Variants in GRIN2A observed in about 807,000 individuals in gnomAD.
The protein encoded by GRIN2A is glutamate receptor ionotropic, NMDA 2A.
In GRIN2A, 22 loss-of-function variants were observed where a neutral mutation model predicts 113.4. The ratio of observed to expected loss-of-function variants is 0.19; its 90% CI spans 0.14 to 0.28. GRIN2A has a LOEUF of 0.28. Ranked by LOEUF, GRIN2A falls within the 10% of genes least tolerant of loss-of-function variation. The pLI, the probability that GRIN2A is intolerant of heterozygous loss-of-function variation, is 1.00. For synonymous variants in GRIN2A, 827 were observed against 738.4 expected, an observed-to-expected ratio of 1.12 and a Z score of -1.94; for missense variants, 1,502 against 1,887.0, an observed-to-expected ratio of 0.80 and a Z score of 3.78.
intron 4 of GRIN2A, among the ~76,000 whole-genome samples, chr16:9,855,314 T>C (rs544539701): frequency 6.6e-6 from 1 of 152,330 alleles, no homozygotes; most frequent in South Asian, 2.1e-4. Flanking sequence ...GAGGCTTACT[T>C]ATAAGATAAT....
intron 4 of GRIN2A, among the ~76,000 whole-genome samples, chr16:9,859,643 C>CACACAG (rs144711120): frequency 2.9e-4 from 42 of 147,010 alleles, no homozygotes; most frequent in African/African-American, 1.1e-3. Flanking sequence ...CACACACACA[C>CACACAG]AGAGAGGATA....
intron 10 of GRIN2A, among the ~76,000 whole-genome samples, chr16:9,798,824 G>A (rs1312458534): frequency 6.6e-6 from 1 of 152,178 alleles, no homozygotes; most frequent in Non-Finnish European, 1.5e-5. Context: ...CCACTAAGGG[G>A]CAGAAGAATT....
rs372353067 is a variant in GRIN2A at position 9,763,646 on chromosome 16, T to C, written c.3898A>G (p.Arg1300Gly). 8.3e-5 allele frequency: 134 copies of C among 1,613,288 alleles called. No homozygotes were observed. The highest frequency in any genetic ancestry group is 1.1e-4 in the Non-Finnish European group (125 of 1,179,990). ...GAGGGCCTGCTAAGGTCTAGCTCCC[T>C]AGGTTTGTCGACAATGTTATCGTAG... ...HSYDNIVDKP[R>G]ELDLSRPSRS... The change falls in exon 13 of 13, where the codon AGG becomes GGG. Residue 1300 changes from arginine (R) to glycine (G), a missense_variant. Coordinates refer to ENST00000330684, the MANE Select transcript of GRIN2A (RefSeq NM_001134407.3).
At chr16:9,972,783 G>A (rs1178221673) in intron 2 of GRIN2A, among the ~76,000 whole-genome samples, 1 of 152,196 alleles carries the variant, frequency 6.6e-6, no homozygotes, top group Non-Finnish European at 1.5e-5. Flanking sequence ...AGATCACCTT[G>A]CCACTGTCTA....
chr16:9,822,248 A>C lies in GRIN2A; in HGVS notation c.2168+16T>G. 6.2e-7 allele frequency: 1 copy of C among 1,613,404 alleles called. No individual in the cohort carries two copies. The highest frequency in any genetic ancestry group is 1.7e-5 in the Admixed American group (1 of 60,006). The stretch of plus-strand genomic sequence containing the variant: ...CGCTCGCAGACCTGTGGTGAAAAGG[A>C]AACTGCCATCCTTACCCCGTTTTCA... On this transcript the variant is annotated intron_variant, in intron 10 of 12. Coordinates refer to ENST00000330684, the MANE Select transcript of GRIN2A (RefSeq NM_001134407.3).
intron 7 of GRIN2A, among the ~76,000 whole-genome samples, chr16:9,840,031 T>C (rs1238894941): frequency 1.6e-4 from 25 of 152,140 alleles, no homozygotes; most frequent in Admixed American, 1.6e-3. Flanking sequence ...GGTGGGAGAA[T>C]TGCTTGAACC....
chr16:9,784,834 GA>G (rs1413874865), intron 11 of GRIN2A, among the ~76,000 whole-genome samples: 1 of 152,068 alleles, frequency 6.6e-6, no homozygotes, highest in African/African-American at 2.4e-5. Context: ...AAAGATACAT[GA>G]AAAAATGCTC....
chr16:9,809,671 C>T (rs1795380962), intron 10 of GRIN2A, among the ~76,000 whole-genome samples: 1 of 152,078 alleles, frequency 6.6e-6, no homozygotes, highest in Non-Finnish European at 1.5e-5. Context: ...AGCACTGTGC[C>T]TGCGTCATGA....
intron 2 of GRIN2A, among the ~76,000 whole-genome samples, chr16:10,075,823 A>G (rs1397573956): frequency 3.3e-5 from 5 of 152,206 alleles, no homozygotes; most frequent in Admixed American, 2.6e-4. Flanking sequence ...TGCTCTAAAT[A>G]TCCAAAATAG....
At chr16:9,956,089 C>T (rs904485433) in intron 2 of GRIN2A, among the ~76,000 whole-genome samples, 6 of 152,160 alleles carry the variant, frequency 3.9e-5, no homozygotes, top group African/African-American at 1.4e-4. Context: ...ATCAGCCCCT[C>T]CTAGCTGCTA....
rs1204582593 is a variant in GRIN2A, at chr16:10,071,037, T to C, written c.414+108961A>G. On this transcript the variant is annotated intron_variant, in intron 2 of 12. Transcript: ENST00000330684. ...TCACCAGAGTAATGACTACCATTTC[T>C]CCAAAACTCTCCTCATGCCATCCGA... Among the ~76,000 whole-genome samples, 5 of 152,238 alleles carry C rather than the reference T, an allele frequency of 3.3e-5. No individual in the cohort carries two copies. The South Asian group carries it at 6.2e-4, about 19-fold the overall frequency.
chr16:9,871,913 T>C (rs2043269248), intron 4 of GRIN2A, among the ~76,000 whole-genome samples: 2 of 152,162 alleles, frequency 1.3e-5, no homozygotes, highest in African/African-American at 2.4e-5. Flanking sequence ...CAGAAGTTAG[T>C]AGTCAAAGCA....
At chr16:9,847,820 T>C (rs1188606088) in intron 5 of GRIN2A, among the ~76,000 whole-genome samples, 1 of 148,602 alleles carries the variant, frequency 6.7e-6, no homozygotes, top group African/African-American at 2.4e-5. Flanking sequence ...CATATTTATT[T>C]ATTCCATGAT....
intron 9 of GRIN2A, among the ~76,000 whole-genome samples, chr16:9,827,961 G>A (rs909182464): frequency 2.0e-5 from 3 of 152,110 alleles, no homozygotes; most frequent in African/African-American, 7.2e-5. Context: ...CTTCCTTGAT[G>A]TTTACTTGTG....
intron 2 of GRIN2A, among the ~76,000 whole-genome samples, chr16:10,026,375 C>T (rs116809124): frequency 0.013 from 1,990 of 152,158 alleles, 28 homozygotes; most frequent in South Asian, 0.064. Flanking sequence ...TACAGGGAAT[C>T]TATTGCTATT....
chr16:10,056,936 C>A (rs1340100761), intron 2 of GRIN2A, among the ~76,000 whole-genome samples: 1 of 152,056 alleles, frequency 6.6e-6, no homozygotes, highest in Non-Finnish European at 1.5e-5. Context: ...AACTAATACA[C>A]CACCTCCCCT....
At chr16:9,889,924 T>C (rs1161202137) in intron 4 of GRIN2A, among the ~76,000 whole-genome samples, 1 of 152,224 alleles carries the variant, frequency 6.6e-6, no homozygotes, top group Non-Finnish European at 1.5e-5. Context: ...CTGTGCATTT[T>C]ATAGTTGCTG....
intron 2 of GRIN2A, among the ~76,000 whole-genome samples, chr16:9,960,204 T>C (rs2045409270): frequency 6.6e-6 from 1 of 152,188 alleles, no homozygotes; most frequent in East Asian, 1.9e-4. Context: ...TAAATATCAG[T>C]TGAATAAATA....
At chr16:9,985,797 G>A (rs918558312) in intron 2 of GRIN2A, among the ~76,000 whole-genome samples, 3 of 152,038 alleles carry the variant, frequency 2.0e-5, no homozygotes, top group African/African-American at 7.2e-5. Context: ...ACAACAGGGT[G>A]ACTACAGTCA....
Sources: allele counts gnomAD v4.1 joint callset (sites outside exome capture counted in the v4.1 genomes callset), GRCh38; gene constraint gnomAD v4.1.1; transcripts MANE v1.5; gene names NCBI Gene and HGNC (gene_info 2026-07-23, HGNC 2026-07-21).